The following CHODL variants were observed in gnomAD, a reference collection of about 807,000 sequenced individuals.
CHODL encodes transmembrane protein MT75.
A neutral mutation model predicts 34.5 loss-of-function variants in CHODL; 29 were observed. The observed-to-expected ratio is 0.84, with a 90% CI of 0.63 to 1.15. The LOEUF (loss-of-function observed/expected upper bound fraction) is 1.15. CHODL is among the 50% of genes most tolerant of loss of function. The pLI is 0.00. For synonymous variants in CHODL, 125 were observed against 116.1 expected, an observed-to-expected ratio of 1.08 and a Z score of -0.49; for missense variants, 332 against 332.5, an observed-to-expected ratio of 1.00 and a Z score of 0.01.
intron 2 of CHODL, among the ~76,000 whole-genome samples, chr21:18,188,261 C>T (rs540630421): frequency 6.6e-6 from 1 of 152,216 alleles, no homozygotes; most frequent in African/African-American, 2.4e-5. Context: ...AATTCTTGAA[C>T]ATTTTTTACC....
intron 2 of CHODL, among the ~76,000 whole-genome samples, chr21:18,055,367 C>T (rs1298354239): frequency 6.6e-6 from 1 of 152,012 alleles, no homozygotes; most frequent in Non-Finnish European, 1.5e-5. Flanking sequence ...AATATCCTGA[C>T]TTCGTATAAG....
chr21:17,935,043 G>A (rs1306001382), intron 1 of CHODL, among the ~76,000 whole-genome samples: 3 of 152,116 alleles, frequency 2.0e-5, no homozygotes, highest in Non-Finnish European at 4.4e-5. Context: ...AATATCATGA[G>A]AGAATATTAA....
chr21:18,061,468 G>A (rs984624803), intron 2 of CHODL, among the ~76,000 whole-genome samples: 1 of 152,170 alleles, frequency 6.6e-6, no homozygotes, highest in African/African-American at 2.4e-5. Flanking sequence ...TGAAATGAAT[G>A]AAAATATTTC....
chr21:17,925,758 T>A (rs1035619489), intron 1 of CHODL, among the ~76,000 whole-genome samples: 1 of 152,230 alleles, frequency 6.6e-6, no homozygotes, highest in African/African-American at 2.4e-5. Flanking sequence ...TCCAGGACTA[T>A]AAGTGAGCCA....
In CHODL at chr21:18,256,411, T is replaced by C. The variant is rs555487874; in HGVS notation, c.80-98T>C. 2.8e-5 allele frequency: 31 copies of C among 1,106,568 alleles called. No individual in the cohort carries two copies. In the African/African-American group the frequency reaches 4.1e-4, roughly 15 times the overall value. 68.5% of individuals were successfully genotyped at this position (1,106,568 alleles called of 1,614,324 possible). A position where few individuals can be genotyped will look rare whatever the true frequency, so the allele number is the denominator to read the frequency against. On this transcript the variant is annotated intron_variant, in intron 1 of 5. Transcript: ENST00000299295. ...AGTGGGAGAAGCATTTCTGGTAATGTATTTTCTGCTTTGACTGGTTCTTAC... is the reference window on the plus strand; with the variant it reads ...AGTGGGAGAAGCATTTCTGGTAATGCATTTTCTGCTTTGACTGGTTCTTAC...
At chr21:18,200,774 G>C (rs900161077) in intron 2 of CHODL, among the ~76,000 whole-genome samples, 2 of 152,182 alleles carry the variant, frequency 1.3e-5, no homozygotes, top group Non-Finnish European at 2.9e-5. Context: ...TAAGCATCTT[G>C]AGATGGCCTT....
intron 2 of CHODL, among the ~76,000 whole-genome samples, chr21:18,053,932 A>G: frequency 7.7e-6 from 1 of 130,242 alleles, no homozygotes; most frequent in East Asian, 1.9e-4. Context: ...ATAAATGTGT[A>G]TAATTTATAT....
At chr21:18,007,723 T>C (rs1322606680) in intron 1 of CHODL, among the ~76,000 whole-genome samples, 1 of 152,196 alleles carries the variant, frequency 6.6e-6, no homozygotes, top group East Asian at 1.9e-4. Context: ...AGAGGTTATA[T>C]TGAAAAAGAA....
chr21:17,971,758 G>T (rs1029324554), intron 1 of CHODL, among the ~76,000 whole-genome samples: 3 of 152,028 alleles, frequency 2.0e-5, no homozygotes, highest in African/African-American at 7.2e-5. Flanking sequence ...TTCTGAAATG[G>T]TTCCAAACAA....
chr21:18,075,264 G>A (rs913704385), intron 2 of CHODL, among the ~76,000 whole-genome samples: 2 of 152,182 alleles, frequency 1.3e-5, no homozygotes, highest in Non-Finnish European at 2.9e-5. Context: ...GTTATAGAGC[G>A]TCACGCTTTG....
intron 2 of CHODL, among the ~76,000 whole-genome samples, chr21:18,201,432 C>T (rs1182111670): frequency 6.6e-6 from 1 of 151,568 alleles, no homozygotes; most frequent in East Asian, 1.9e-4. Context: ...CCATAGGGTA[C>T]TTTGCTTATT....
At chr21:18,125,744 T>C (rs958141787) in intron 2 of CHODL, among the ~76,000 whole-genome samples, 3 of 152,040 alleles carry the variant, frequency 2.0e-5, no homozygotes, top group African/African-American at 7.2e-5. Context: ...TACAGTCATG[T>C]GCTAATTTAA....
At chr21:18,210,643 G>T (rs2073762887) in intron 2 of CHODL, among the ~76,000 whole-genome samples, 1 of 152,220 alleles carries the variant, frequency 6.6e-6, no homozygotes, top group Non-Finnish European at 1.5e-5. Context: ...TCCATTTATT[G>T]TACATAAAAA....
At chr21:17,932,141 G>A (rs559905347) in intron 1 of CHODL, among the ~76,000 whole-genome samples, 1 of 152,088 alleles carries the variant, frequency 6.6e-6, no homozygotes, top group African/African-American at 2.4e-5. Context: ...TTAAAAAGTG[G>A]GTAAGGGATA....
At chr21:18,032,762 A>G (rs1228181470) in intron 2 of CHODL, among the ~76,000 whole-genome samples, 1 of 152,014 alleles carries the variant, frequency 6.6e-6, no homozygotes, top group Non-Finnish European at 1.5e-5. Flanking sequence ...CTGTCTCTCC[A>G]AACTGTGGCC....
chr21:18,179,744 A>C (rs981145024), intron 2 of CHODL, among the ~76,000 whole-genome samples: 8 of 152,216 alleles, frequency 5.3e-5, no homozygotes, highest in African/African-American at 1.7e-4. Context: ...AACATCAGGA[A>C]TGTTTAGATA....
intron 2 of CHODL, among the ~76,000 whole-genome samples, chr21:18,128,296 C>CAAAAAAAAAAAAAAAAAAAA (rs71189585): frequency 1.1e-4 from 3 of 28,058 alleles, no homozygotes; most frequent in African/African-American, 2.6e-4. Context: ...GCAAGAGTCT[C>CAAAAAAAAAAAAAAAAAAAA]AAAAAAAAAA....
rs1333481522 is a variant in CHODL, at chr21:18,171,198, G to GTTCTTTTTTTTTTTTTTTTT, written c.-44-85309_-44-85308insCTTTTTTTTTTTTTTTTTTT. 2.1e-3 allele frequency among the ~76,000 whole-genome samples: 79 copies of GTTCTTTTTTTTTTTTTTTTT among 37,066 alleles called. 37 individuals are homozygous for GTTCTTTTTTTTTTTTTTTTT. The highest frequency in any genetic ancestry group is 7.8e-3 in the East Asian group (4 of 510). 24.3% of individuals were successfully genotyped at this position (37,066 alleles called of 152,430 possible). ...TGTTCTTCAGACATGGTTTTCTTTAGTTTTTTTTTTTTTTTTTTTGAGACG... is the reference window on the plus strand; with the variant it reads ...TGTTCTTCAGACATGGTTTTCTTTAGTTCTTTTTTTTTTTTTTTTTTTTTTTTTTTTTTTTTTTTGAGACG... On this transcript the variant is annotated intron_variant, in intron 2 of 6. Coordinates refer to the CHODL transcript ENST00000400127.
At chr21:18,079,473 A>G (rs895676227) in intron 2 of CHODL, among the ~76,000 whole-genome samples, 1 of 148,750 alleles carries the variant, frequency 6.7e-6, no homozygotes, top group Non-Finnish European at 1.5e-5. Flanking sequence ...TATATCACAT[A>G]TATATACCAT....
Sources: gnomAD v4.1 joint callset for allele counts (sites outside exome capture counted in the v4.1 genomes callset) on GRCh38, gnomAD v4.1.1 for gene constraint, MANE v1.5 for transcripts, NCBI Gene and HGNC (gene_info 2026-07-23, HGNC 2026-07-21) for gene names.